The following FAM13B variants were observed in gnomAD, a reference collection of about 807,000 sequenced individuals.
FAM13B encodes family with sequence similarity 13 member B.
FAM13B carries 60 observed loss-of-function variants against 117.3 expected under a neutral mutation model. That is an observed-to-expected ratio of 0.51 (90% CI 0.42 to 0.63). FAM13B has a LOEUF of 0.63. FAM13B is among the 30% of genes least tolerant of loss of function. The pLI, the probability that FAM13B is intolerant of heterozygous loss-of-function variation, is 0.00. For synonymous variants in FAM13B, 332 were observed against 356.1 expected (o/e 0.93, Z 0.76); for missense variants, 972 against 1,091.9 (o/e 0.89, Z 1.55).
chr5:137,995,165 T>C (rs1581202007), intron 7 of FAM13B, among the ~76,000 whole-genome samples: 1 of 152,188 alleles, frequency 6.6e-6, no homozygotes, highest in East Asian at 1.9e-4. Context: ...CTACACACAG[T>C]AGAGCTGTGC....
At chr5:138,001,899 G>T (rs1299374013) in intron 7 of FAM13B, among the ~76,000 whole-genome samples, 1 of 152,138 alleles carries the variant, frequency 6.6e-6, no homozygotes, top group Non-Finnish European at 1.5e-5. Context: ...ATGGCCAAAG[G>T]AGAATGACCA....
At chr5:138,006,193 G>A (rs1043418906) in intron 7 of FAM13B, among the ~76,000 whole-genome samples, 3 of 152,166 alleles carry the variant, frequency 2.0e-5, no homozygotes, top group Admixed American at 6.5e-5. Context: ...CACCGCGCCC[G>A]GCCTATTTCC....
chr5:137,953,266 G>A, intron 16 of FAM13B, 70 bp downstream of exon 16: 2 of 1,534,156 alleles, frequency 1.3e-6, no homozygotes, highest in Non-Finnish European at 1.8e-6. Context: ...CTAAACTAAT[G>A]CTTTTGAAAA....
intron 10 of FAM13B, among the ~76,000 whole-genome samples, chr5:137,979,494 G>GA (rs1226840038): frequency 2.0e-5 from 3 of 152,076 alleles, no homozygotes; most frequent in African/African-American, 7.2e-5. Flanking sequence ...CTTCTACTGA[G>GA]AAAATCTACA....
At chr5:137,980,176 G>GAA (rs528372296) in intron 10 of FAM13B, among the ~76,000 whole-genome samples, 18,879 of 113,834 alleles carry the variant, frequency 0.17, 1,647 homozygotes, top group Non-Finnish European at 0.23. Flanking sequence ...TCCGTCTCAA[G>GAA]AAAAAAAAAA....
At chr5:137,966,484 TATATAGAGAGAGAGAGAG>T (rs1222679339) in intron 10 of FAM13B, among the ~76,000 whole-genome samples, 14 of 50,614 alleles carry the variant, frequency 2.8e-4, no homozygotes, top group Admixed American at 7.5e-4. Context: ...TATATATATA[TATATAGAGAGAGAGAGAG>T]AGAGAGAGAG....
intron 1 of FAM13B, among the ~76,000 whole-genome samples, chr5:138,038,393 A>G (rs1055628558): frequency 3.3e-5 from 5 of 152,346 alleles, no homozygotes; most frequent in Non-Finnish European, 5.9e-5. Context: ...ACAAGTGCAT[A>G]TGGAGATGAG....
chr5:137,940,420 A>G (rs1370992093), intron 23 of FAM13B, 72 bp from the exon 24 acceptor site: 5 of 1,026,826 alleles, frequency 4.9e-6, no homozygotes, highest in Non-Finnish European at 7.3e-6. Context: ...TTGTCTTAAT[A>G]TGAGACATAC....
intron 10 of FAM13B, among the ~76,000 whole-genome samples, chr5:137,979,448 C>G (rs1378339672): frequency 6.6e-6 from 1 of 152,124 alleles, no homozygotes; most frequent in Non-Finnish European, 1.5e-5. Context: ...GATCTGGGTA[C>G]ATCATTCCCT....
chr5:138,049,617 G>A (rs961115984), intron 1 of FAM13B, among the ~76,000 whole-genome samples: 1 of 152,092 alleles, frequency 6.6e-6, no homozygotes, highest in African/African-American at 2.4e-5. Flanking sequence ...TTTTCATTTG[G>A]AGTAAGTTAC....
chr5:137,956,001 CAA>C (rs1283161639), intron 14 of FAM13B, among the ~76,000 whole-genome samples: 2 of 152,102 alleles, frequency 1.3e-5, no homozygotes, highest in Non-Finnish European at 2.9e-5. Flanking sequence ...AAAATGAATG[CAA>C]AGAGGGCTTG....
intron 20 of FAM13B, 46 bp downstream of exon 20, chr5:137,945,856 A>T: frequency 1.4e-6 from 2 of 1,408,294 alleles, no homozygotes; most frequent in Non-Finnish European, 2.0e-6. Flanking sequence ...TGGGAAGAGT[A>T]CATCTTGATA....
At chr5:137,959,575 A>T in intron 13 of FAM13B, 41 bp downstream of exon 13, 1 of 1,609,692 alleles carries the variant, frequency 6.2e-7, no homozygotes, top group Non-Finnish European at 8.5e-7. Context: ...TTCGGTTACA[A>T]GTAACATTAT....
chr5:137,980,631 G>A (rs921330280), intron 10 of FAM13B, among the ~76,000 whole-genome samples: 2 of 151,692 alleles, frequency 1.3e-5, no homozygotes, highest in East Asian at 3.9e-4. Context: ...GTAGAGACGG[G>A]GTTTCACCAT....
chr5:138,047,255 T>C (rs10036256), intron 1 of FAM13B, among the ~76,000 whole-genome samples: 111,029 of 150,890 alleles, frequency 0.74, 41,509 homozygotes, highest in East Asian at 0.97. Flanking sequence ...ACCTGTAATC[T>C]CAGCACTTTG....
chr5:138,048,390 G>T (rs778772659), intron 1 of FAM13B, among the ~76,000 whole-genome samples: 1 of 152,174 alleles, frequency 6.6e-6, no homozygotes, highest in Non-Finnish European at 1.5e-5. Context: ...ATAGTGGAGG[G>T]TACAGAACTT....
At position 137,972,618 on chromosome 5, in the gene FAM13B, G is replaced by C. The variant is rs886165908; in HGVS notation, c.1180-10149C>G. Reference sequence around the variant, plus strand: ...TTGGAAGTTCTGGCCAGGGCAATTAGGCAGGAGAAGGAAATAAAAGGTATT... The same window carrying C: ...TTGGAAGTTCTGGCCAGGGCAATTACGCAGGAGAAGGAAATAAAAGGTATT... On this transcript the variant is annotated intron_variant, in intron 10 of 23. Transcript: ENST00000689681. 6.1e-3 allele frequency among the ~76,000 whole-genome samples: 934 copies of C among 152,070 alleles called. 12 individuals carry two copies. Among genetic ancestry groups the C allele is most frequent in the African/African-American group, 0.022 (901 of 41,460 alleles).
intron 13 of FAM13B, 114 bp from the exon 14 acceptor site, chr5:137,956,656 G>A (rs750028836): frequency 7.7e-6 from 4 of 517,576 alleles, no homozygotes; most frequent in Non-Finnish European, 1.2e-5. Flanking sequence ...CCTAAAACCA[G>A]TTAGGCATTC....
At chr5:138,017,615 T>C (rs1785589247) in intron 4 of FAM13B, among the ~76,000 whole-genome samples, 1 of 152,216 alleles carries the variant, frequency 6.6e-6, no homozygotes, top group East Asian at 1.9e-4. Context: ...TATACATGAA[T>C]ACCATTTGGC....
Sources: gnomAD v4.1 joint callset for allele counts (sites outside exome capture counted in the v4.1 genomes callset) on GRCh38, gnomAD v4.1.1 for gene constraint, MANE v1.5 for transcripts, NCBI Gene and HGNC (gene_info 2026-07-23, HGNC 2026-07-21) for gene names.